CDH20: variants seen among roughly 807,000 people sequenced by gnomAD.
The protein encoded by CDH20 is cadherin-20.
CDH20 carries 29 observed loss-of-function variants against 74.2 expected under a neutral mutation model. That is an observed-to-expected ratio of 0.39 (90% CI 0.29 to 0.53). CDH20 has a LOEUF of 0.53. Ranked by LOEUF, CDH20 falls within the 20% of genes least tolerant of loss-of-function variation. The pLI, the probability that CDH20 is intolerant of heterozygous loss-of-function variation, is 0.69. For synonymous variants in CDH20, 469 were observed against 405.4 expected (o/e 1.16, Z -1.88); for missense variants, 988 against 1,048.3 (o/e 0.94, Z 0.79).
chr18:61,479,493 GTACT>G (rs1430123003), intron 1 of CDH20, among the ~76,000 whole-genome samples: 1 of 152,024 alleles, frequency 6.6e-6, no homozygotes, highest in Non-Finnish European at 1.5e-5. Flanking sequence ...TTATATTTCA[GTACT>G]AACTAAAAGA....
intron 1 of CDH20, among the ~76,000 whole-genome samples, chr18:61,376,609 TA>T (rs759831731): frequency 7.0e-6 from 1 of 142,708 alleles, no homozygotes; most frequent in African/African-American, 2.6e-5. Context: ...AAAGAGAAAA[TA>T]AAAAGAGAAA....
At chr18:61,492,920 TCTCA>T (rs1440926578) in intron 2 of CDH20, among the ~76,000 whole-genome samples, 1 of 152,220 alleles carries the variant, frequency 6.6e-6, no homozygotes, top group Non-Finnish European at 1.5e-5. Flanking sequence ...TAAATGAATG[TCTCA>T]CTGTGGAGTA....
At chr18:61,372,884 A>G (rs886146735) in intron 1 of CDH20, among the ~76,000 whole-genome samples, 2 of 152,116 alleles carry the variant, frequency 1.3e-5, no homozygotes, top group East Asian at 1.9e-4. Context: ...TATATCATCA[A>G]GTTGTATATT....
At chr18:61,451,632 A>G (rs1026437306) in intron 1 of CDH20, among the ~76,000 whole-genome samples, 2 of 152,162 alleles carry the variant, frequency 1.3e-5, no homozygotes, top group African/African-American at 4.8e-5. Flanking sequence ...GAAATAGTTT[A>G]ACAATAAGCC....
intron 1 of CDH20, among the ~76,000 whole-genome samples, chr18:61,439,898 T>C (rs1407861815): frequency 1.3e-5 from 2 of 152,170 alleles, no homozygotes; most frequent in Non-Finnish European, 2.9e-5. Flanking sequence ...TCAAAGAATT[T>C]ATGTTTCAGG....
intron 8 of CDH20, among the ~76,000 whole-genome samples, chr18:61,538,497 A>G (rs2144390543): frequency 6.6e-6 from 1 of 151,932 alleles, no homozygotes; most frequent in African/African-American, 2.4e-5. Flanking sequence ...AGTAGGCAAC[A>G]CATGGATCCT....
In CDH20 at chr18:61,385,631, A is replaced by G. The variant is rs370519475; in HGVS notation, c.-153+51804A>G. Among the ~76,000 whole-genome samples, 7 of 152,280 alleles carry G rather than the reference A, an allele frequency of 4.6e-5. No homozygotes were observed. The South Asian group carries it at 1.4e-3, about 32-fold the overall frequency. On this transcript the variant is annotated intron_variant, in intron 1 of 11. Coordinates refer to ENST00000262717, the MANE Select transcript of CDH20 (RefSeq NM_031891.4). ...TATGAAGAACACAAAGACCCTGTAT[A>G]AAAGATATTAACAGTTTACAGCTGG...
At chr18:61,538,603 T>TTTTG (rs1912901967) in intron 8 of CDH20, among the ~76,000 whole-genome samples, 4 of 38,388 alleles carry the variant, frequency 1.0e-4, no homozygotes, top group Admixed American at 3.8e-4. Context: ...TTTGTTTTTG[T>TTTTG]TTTTGTTTTT....
At chr18:61,397,098 G>A (rs944382436) in intron 1 of CDH20, among the ~76,000 whole-genome samples, 3 of 152,046 alleles carry the variant, frequency 2.0e-5, no homozygotes, top group Non-Finnish European at 2.9e-5. Flanking sequence ...GGTAGGTGTT[G>A]CTTCCATGGG....
intron 5 of CDH20, among the ~76,000 whole-genome samples, chr18:61,507,013 T>A (rs1218455278): frequency 6.6e-6 from 1 of 152,192 alleles, no homozygotes; most frequent in Admixed American, 6.5e-5. Flanking sequence ...TGTTTATCAC[T>A]CTCAGAAGGA....
chr18:61,501,954 G>T (rs1339128259), intron 4 of CDH20, among the ~76,000 whole-genome samples: 41 of 152,104 alleles, frequency 2.7e-4, no homozygotes, highest in Admixed American at 2.7e-3. Flanking sequence ...CCCATGGGGG[G>T]CCTTTTAAAA....
intron 1 of CDH20, among the ~76,000 whole-genome samples, chr18:61,417,918 C>T (rs1912743741): frequency 6.6e-6 from 1 of 151,990 alleles, no homozygotes; most frequent in South Asian, 2.1e-4. Context: ...ATCACATGTA[C>T]CTCATGAATA....
rs1401971544 is a variant in CDH20 at position 61,527,988 on chromosome 18, A to G, written c.1039A>G (p.Lys347Glu). ...TCAGCCCCTGAGTTTTGAAAGCAAG[A>G]AAAGCTACACCTTAAAGGTGGAGGG... ...VKKPLSFESK[K>E]SYTLKVEGAN... is the part of the protein sequence containing the mutation. Residue 347 changes from lysine (K) to glutamate (E), a missense_variant, in exon 7 of 12, where the codon AAA becomes GAA. Lys to Glu is a moderately conservative substitution (Grantham distance 56, BLOSUM62 1). Coordinates refer to ENST00000262717, the MANE Select transcript of CDH20 (RefSeq NM_031891.4). 1 of 1,614,128 alleles carries G rather than the reference A, an allele frequency of 6.2e-7. No individual in the cohort carries two copies. The highest frequency in any genetic ancestry group is 1.1e-5 in the South Asian group (1 of 91,084).
intron 1 of CDH20, among the ~76,000 whole-genome samples, chr18:61,394,966 C>T (rs1911916748): frequency 6.6e-6 from 1 of 151,930 alleles, no homozygotes; most frequent in Non-Finnish European, 1.5e-5. Context: ...CCTGTGTTCC[C>T]CTAGAAGAAA....
At chr18:61,418,003 T>C (rs1912747851) in intron 1 of CDH20, among the ~76,000 whole-genome samples, 1 of 152,208 alleles carries the variant, frequency 6.6e-6, no homozygotes, top group Non-Finnish European at 1.5e-5. Flanking sequence ...CTTAAAAATA[T>C]GTCAAATTGA....
intron 2 of CDH20, among the ~76,000 whole-genome samples, chr18:61,491,657 A>G (rs1398049545): frequency 6.6e-6 from 1 of 152,126 alleles, no homozygotes; most frequent in Non-Finnish European, 1.5e-5. Flanking sequence ...GCTCCTTCTC[A>G]AGTGTTGTCT....
chr18:61,550,302 T>A, intron 11 of CDH20, 73 bp downstream of exon 11: 1 of 1,537,028 alleles, frequency 6.5e-7, no homozygotes, highest in Non-Finnish European at 8.9e-7. Context: ...ATTACCTTCC[T>A]GACACAGCTA....
intron 1 of CDH20, among the ~76,000 whole-genome samples, chr18:61,372,009 A>C (rs1292294585): frequency 6.6e-6 from 1 of 152,110 alleles, no homozygotes; most frequent in African/African-American, 2.4e-5. Flanking sequence ...CAAGTTGAAG[A>C]AACTATCACT....
At chr18:61,550,317 G>T in intron 11 of CDH20, 88 bp downstream of exon 11, 1 of 1,480,858 alleles carries the variant, frequency 6.8e-7, no homozygotes, top group Non-Finnish European at 9.2e-7. Flanking sequence ...CAGCTATTCA[G>T]AACTGGTCTT....
Sources: allele counts gnomAD v4.1 joint callset (sites outside exome capture counted in the v4.1 genomes callset), GRCh38; gene constraint gnomAD v4.1.1; transcripts MANE v1.5; gene names NCBI Gene and HGNC (gene_info 2026-07-23, HGNC 2026-07-21).